The following ABCA5 variants were observed in gnomAD, a reference collection of about 807,000 sequenced individuals.
ABCA5 encodes the protein cholesterol transporter ABCA5.
Under a neutral mutation model 206.0 loss-of-function variants are expected in ABCA5, and 163 were observed. The observed-to-expected ratio is 0.79, with a 90% CI of 0.70 to 0.90. ABCA5 has a LOEUF of 0.90. Ranked by LOEUF, ABCA5 falls within the 40% of genes least tolerant of loss-of-function variation. The pLI, the probability that ABCA5 is intolerant of heterozygous loss-of-function variation, is 0.00. For missense variants in ABCA5, 1,859 were observed against 1,912.9 expected (o/e 0.97, Z 0.53); for synonymous variants, 609 against 613.8 (o/e 0.99, Z 0.11).
chr17:69,270,851 G>C (rs1266754376), intron 21 of ABCA5, 101 bp from the exon 22 acceptor site: 1 of 1,127,946 alleles, frequency 8.9e-7, no homozygotes, highest in Non-Finnish European at 1.2e-6. Flanking sequence ...TTCTCATACA[G>C]AAAAACTGCT....
At chr17:69,304,492 T>G in intron 7 of ABCA5, 177 bp downstream of exon 7, 1 of 490,938 alleles carries the variant, frequency 2.0e-6, no homozygotes, top group Non-Finnish European at 3.4e-6. Context: ...TTTTGTAACA[T>G]TACTAAAAAT....
At chr17:69,304,837 T>C (rs1255221471) in intron 6 of ABCA5, 27 bp from the exon 7 acceptor site, 9 of 1,550,460 alleles carry the variant, frequency 5.8e-6, no homozygotes, top group Middle Eastern at 1.8e-4. Context: ...GATATAGTTA[T>C]GGTCAAATGC....
Position 69,309,443 on chromosome 17 carries a change from TA to T in ABCA5, c.308-21del, listed in dbSNP as rs1421453911. ...TTATGACTGTAAGATATCATAACAA[TA>T]TAGTTAGCTCACAAATTAAAATACC... On this transcript the variant is annotated intron_variant, in intron 3 of 38. Transcript: ENST00000392676. The T allele has an allele frequency of 6.8e-7, 1 of 1,469,584 alleles. No homozygotes were observed. The highest frequency in any genetic ancestry group is 9.1e-7 in the Non-Finnish European group (1 of 1,093,192). The allele number at this position is 1,469,584 out of a possible 1,614,324, so 91.0% of individuals were successfully genotyped here.
At chr17:69,282,799 C>T (rs1301293035) in intron 18 of ABCA5, among the ~76,000 whole-genome samples, 2 of 150,886 alleles carry the variant, frequency 1.3e-5, no homozygotes, top group Non-Finnish European at 3.0e-5. Flanking sequence ...AAACTCATGC[C>T]TGCATTCCTT....
Position 69,286,047 on chromosome 17 carries a change from A to C in ABCA5, c.2133-10T>G. On this transcript the variant is annotated splice_polypyrimidine_tract_variant and intron_variant, in intron 16 of 38. Coordinates refer to ENST00000392676, the MANE Select transcript of ABCA5 (RefSeq NM_172232.4). ...TTTGTCTATGTACATGCTAGAGAAT[A>C]CCAAAAATCACAATTAATGATTATA... is the stretch of plus-strand genomic sequence containing the variant. 6.3e-7 allele frequency: 1 copy of C among 1,597,898 alleles called. No homozygotes were observed. The highest frequency in any genetic ancestry group is 8.5e-7 in the Non-Finnish European group (1 of 1,175,798).
Position 69,264,868 on chromosome 17 carries a change from A to G in ABCA5, c.3182T>C (p.Leu1061Ser). 6.4e-7 allele frequency: 1 copy of G among 1,561,240 alleles called. No homozygotes were observed. Among genetic ancestry groups the G allele is most frequent in the Non-Finnish European group, 8.6e-7 (1 of 1,157,718 alleles). ...TTGTCCAATCCAATATGCAGATGGC[A>G]AAAGACCTGAAAGTTTAAGTTGAGT... ...AYTQLKLSGL[L>S]PSAYWIGQAV... is the part of the protein sequence containing the mutation. The change falls in exon 24 of 39, where the codon TTG (leucine) becomes TCG (serine). Residue 1061 changes from leucine (L) to serine (S), a missense_variant. Physicochemically the swap from Leu to Ser is moderately radical, Grantham distance 145. Transcript: ENST00000392676.
At chr17:69,295,516 A>G (rs1598187593) in intron 10 of ABCA5, among the ~76,000 whole-genome samples, 2 of 152,206 alleles carry the variant, frequency 1.3e-5, no homozygotes, top group Non-Finnish European at 1.5e-5. Flanking sequence ...CAAGCTCACC[A>G]TAACAGCAAA....
Position 69,249,975 on chromosome 17 carries a change from A to G in ABCA5, c.4695T>C (p.Ser1565=), listed in dbSNP as rs774233447. ...PNASRQESFS[S]ILAYKIPKED... ...CCTTAGGAATTTTATAAGCCAAAAT[A>G]GAAGAAAAACTGGAAAAAAAGATAA... Residue 1565 remains serine (S), a synonymous_variant, in exon 37 of 39, where the codon TCT becomes TCC. Transcript: ENST00000392676. 26 of 1,488,906 alleles carry G rather than the reference A, an allele frequency of 1.7e-5. No homozygotes were observed. The highest frequency in any genetic ancestry group is 2.1e-5 in the Non-Finnish European group (23 of 1,114,600). 92.2% of individuals were successfully genotyped at this position (1,488,906 alleles called of 1,614,324 possible). A position where few individuals can be genotyped will look rare whatever the true frequency, so the allele number is the denominator to read the frequency against.
chr17:69,284,986 A>C (rs1214335204), intron 17 of ABCA5, among the ~76,000 whole-genome samples: 2 of 152,194 alleles, frequency 1.3e-5, no homozygotes, highest in East Asian at 3.8e-4. Context: ...GAAAACCATG[A>C]GTTCTGGAAC....
chr17:69,256,370 T>A (rs1415949589), intron 28 of ABCA5, 87 bp from the exon 29 acceptor site: 9 of 789,556 alleles, frequency 1.1e-5, no homozygotes, highest in Admixed American at 1.0e-4. Context: ...GAGAAAAGAC[T>A]GAAAAAATAC....
At chr17:69,285,095 A>C (rs2075435989) in intron 17 of ABCA5, among the ~76,000 whole-genome samples, 1 of 152,198 alleles carries the variant, frequency 6.6e-6, no homozygotes, top group Non-Finnish European at 1.5e-5. Flanking sequence ...CTTCATTTGT[A>C]AAATGAAAGC....
At chr17:69,280,565 C>T (rs1598173255) in intron 18 of ABCA5, among the ~76,000 whole-genome samples, 1 of 151,472 alleles carries the variant, frequency 6.6e-6, no homozygotes, top group South Asian at 2.1e-4. Context: ...AATCATGCTG[C>T]TATAAAGACA....
Position 69,308,324 on chromosome 17 carries a change from C to T in ABCA5, c.514G>A (p.Gly172Ser). The T allele has an allele frequency of 6.2e-7, 1 of 1,611,854 alleles. No homozygotes were observed. Among genetic ancestry groups the T allele is most frequent in the African/African-American group, 1.3e-5 (1 of 74,952 alleles). ...ATGGATGCTTGTAAAACTGTGAAAC[C>T]TGAGGACCAGTACTGAGCAGCCTCA... ...SCEAAQYWSS[G>S]FTVLQASIDA... is the part of the protein sequence containing the mutation. The change falls in exon 5 of 39, where the codon GGT becomes AGT. Residue 172 changes from glycine (G) to serine (S), a missense_variant. Transcript: ENST00000392676.
At chr17:69,315,903 C>A (rs2075811983) in intron 1 of ABCA5, among the ~76,000 whole-genome samples, 2 of 151,826 alleles carry the variant, frequency 1.3e-5, no homozygotes, top group Admixed American at 6.6e-5. Flanking sequence ...AGGGCTTCAG[C>A]AAACAATCGA....
chr17:69,253,708 T>C (rs1422455689), intron 33 of ABCA5, 41 bp from the exon 34 acceptor site: 1 of 1,590,922 alleles, frequency 6.3e-7, no homozygotes, highest in African/African-American at 1.3e-5. Flanking sequence ...TTAACAAAGG[T>C]TCACTATAAG....
chr17:69,308,650 T>G (rs2075742659), intron 4 of ABCA5, among the ~76,000 whole-genome samples: 1 of 152,208 alleles, frequency 6.6e-6, no homozygotes, highest in Non-Finnish European at 1.5e-5. Context: ...AACAAGTTAC[T>G]TTTTTGTTTT....
rs778872840 is a variant in ABCA5, at chr17:69,255,864, T to C, written c.3859-14A>G. On this transcript the variant is annotated splice_polypyrimidine_tract_variant and intron_variant, in intron 29 of 38. Coordinates refer to ENST00000392676, the MANE Select transcript of ABCA5 (RefSeq NM_172232.4). ...AATGGATGGTTTCTAATAAGAAAAA[T>C]TGTATTTAAAAAGAAAGTTATAAAA... The C allele has an allele frequency of 1.8e-5, 28 of 1,522,780 alleles. No homozygotes were observed. The highest frequency in any genetic ancestry group is 2.3e-5 in the East Asian group (1 of 43,974). 94.3% of individuals were successfully genotyped at this position (1,522,780 alleles called of 1,614,324 possible). A position where few individuals can be genotyped will look rare whatever the true frequency, so the allele number is the denominator to read the frequency against.
Position 69,302,881 on chromosome 17 carries a change from G to A in ABCA5, c.956C>T (p.Pro319Leu), listed in dbSNP as rs2075667095. The change falls in exon 8 of 39, where the codon CCT (proline) becomes CTT (leucine). Residue 319 changes from proline to leucine, a missense_variant. Transcript: ENST00000392676. Reference protein sequence around the residue: ...SSVFFALMLTPLFKKSKHVGI... With the variant: ...SSVFFALMLTLLFKKSKHVGI... ...CACATGTTTTGATTTTTTAAAAAGA[G>A]GTGTCAGCATTAAAGCAAAAAATAC... The A allele has an allele frequency of 6.4e-7, 1 of 1,551,378 alleles. No individual in the cohort carries two copies. The highest frequency in any genetic ancestry group is 1.4e-5 in the African/African-American group (1 of 71,832).
intron 22 of ABCA5, among the ~76,000 whole-genome samples, chr17:69,269,975 G>A (rs574698889): frequency 3.9e-5 from 6 of 152,060 alleles, no homozygotes; most frequent in Admixed American, 3.3e-4. Context: ...TTGGAGGGGG[G>A]TGATGGCATA....
Sources: gnomAD v4.1 joint callset for allele counts (sites outside exome capture counted in the v4.1 genomes callset) on GRCh38, gnomAD v4.1.1 for gene constraint, MANE v1.5 for transcripts, NCBI Gene and HGNC (gene_info 2026-07-23, HGNC 2026-07-21) for gene names.